Variants in UBXN7 observed in about 807,000 individuals in gnomAD.
UBXN7 encodes UBX domain-containing protein 7.
In UBXN7, 9 loss-of-function variants were observed where a neutral mutation model predicts 58.0. The observed-to-expected ratio is 0.16, with a 90% CI of 0.09 to 0.27. The LOEUF is 0.27. Ranked by LOEUF, UBXN7 falls within the 10% of genes least tolerant of loss-of-function variation. UBXN7 has a pLI of 1.00. For missense variants in UBXN7, 328 were observed against 599.6 expected, an observed-to-expected ratio of 0.55 and a Z score of 4.73; for synonymous variants, 208 against 205.0, an observed-to-expected ratio of 1.01 and a Z score of -0.12.
At chr3:196,417,876 T>G (rs929545239) in intron 1 of UBXN7, among the ~76,000 whole-genome samples, 4 of 149,864 alleles carry the variant, frequency 2.7e-5, no homozygotes, top group Non-Finnish European at 5.9e-5. Flanking sequence ...CTGTGAGCTA[T>G]GATCATACCA....
chr3:196,377,841 T>G (rs878956170), intron 5 of UBXN7, among the ~76,000 whole-genome samples: 12 of 151,908 alleles, frequency 7.9e-5, no homozygotes, highest in Non-Finnish European at 1.6e-4. Context: ...CAGCTAATTT[T>G]TTCGACTTTT....
chr3:196,355,992 C>T lies in UBXN7; in HGVS notation c.*693G>A, dbSNP rs1728334692. On this transcript the variant is annotated 3_prime_UTR_variant, in exon 11 of 11. Coordinates refer to ENST00000296328, the MANE Select transcript of UBXN7 (RefSeq NM_015562.2). ...TCTCAGGTTAGGACAATGAAAGTCA[C>T]CCCATGCTATATGCTCCATATTTAA... The T allele has an allele frequency of 6.6e-6, 1 of 152,392 alleles. No individual in the cohort carries two copies. Among genetic ancestry groups the T allele is most frequent in the African/African-American group, 2.4e-5 (1 of 41,426 alleles). 9.4% of individuals were successfully genotyped at this position (152,392 alleles called of 1,614,324 possible). A position where few individuals can be genotyped will look rare whatever the true frequency, so the allele number is the denominator to read the frequency against.
chr3:196,401,059 T>G (rs529808446), intron 3 of UBXN7, among the ~76,000 whole-genome samples: 1 of 151,500 alleles, frequency 6.6e-6, no homozygotes, highest in South Asian at 2.1e-4. Context: ...TATTTCCAAA[T>G]CTAGACAGTA....
In UBXN7 at chr3:196,350,775, A is replaced by G. The variant is rs538764290; in HGVS notation, c.*5910T>C. 24 of 152,360 alleles carry G rather than the reference A, an allele frequency of 1.6e-4. No individual in the cohort carries two copies. Among genetic ancestry groups the G allele is most frequent in the African/African-American group, 4.6e-4 (19 of 41,592 alleles). The allele number at this position is 152,360 out of a possible 1,614,324, so 9.4% of individuals were successfully genotyped here. A position where few individuals can be genotyped will look rare whatever the true frequency, so the allele number is the denominator to read the frequency against. Reference sequence around the variant, plus strand: ...GGAGAAACCGATATATTGGTATGGTATTCTCTGTTGGGTTATCTGCAGTTC... The same window carrying G: ...GGAGAAACCGATATATTGGTATGGTGTTCTCTGTTGGGTTATCTGCAGTTC... On this transcript the variant is annotated 3_prime_UTR_variant, in exon 11 of 11. Transcript: ENST00000296328.
chr3:196,380,602 C>T (rs1457299374), intron 5 of UBXN7, among the ~76,000 whole-genome samples: 1 of 152,226 alleles, frequency 6.6e-6, no homozygotes, highest in Non-Finnish European at 1.5e-5. Context: ...AACTGAGGTA[C>T]CTGGTTCATC....
At position 196,351,233 on chromosome 3, in the gene UBXN7, G is replaced by C. The variant is rs1378325480; in HGVS notation, c.*5452C>G. 1 of 152,188 alleles carries C rather than the reference G, an allele frequency of 6.6e-6. No homozygotes were observed. The highest frequency in any genetic ancestry group is 2.4e-5 in the African/African-American group (1 of 41,442). The allele number at this position is 152,188 out of a possible 1,614,324, so 9.4% of individuals were successfully genotyped here. ...TACAAATCAATTTCCCAACAGGCCA[G>C]TAAAGTACTTTAAGTACACAAGTAA... On this transcript the variant is annotated 3_prime_UTR_variant, in exon 11 of 11. Coordinates refer to ENST00000296328, the MANE Select transcript of UBXN7 (RefSeq NM_015562.2).
At chr3:196,399,045 C>T (rs971755359) in intron 3 of UBXN7, among the ~76,000 whole-genome samples, 8 of 152,328 alleles carry the variant, frequency 5.3e-5, no homozygotes, top group African/African-American at 1.9e-4. Context: ...AAAGTGTAAA[C>T]TGATAGTCTG....
At chr3:196,413,174 C>A (rs1730384846) in intron 1 of UBXN7, among the ~76,000 whole-genome samples, 1 of 151,958 alleles carries the variant, frequency 6.6e-6, no homozygotes, top group South Asian at 2.1e-4. Context: ...CCCGTCTCCA[C>A]TAAAAATACA....
At chr3:196,367,476 A>C (rs1728703372) in intron 8 of UBXN7, among the ~76,000 whole-genome samples, 1 of 152,186 alleles carries the variant, frequency 6.6e-6, no homozygotes, top group Non-Finnish European at 1.5e-5. Flanking sequence ...AAAACAAAAA[A>C]CACCACTTCC....
At chr3:196,386,350 GAGA>G (rs1729395696) in intron 5 of UBXN7, among the ~76,000 whole-genome samples, 1 of 113,642 alleles carries the variant, frequency 8.8e-6, no homozygotes, top group South Asian at 3.0e-4. Flanking sequence ...CCCCCTCTCC[GAGA>G]AACACCCAAG....
chr3:196,406,101 T>C (rs1027053543), intron 2 of UBXN7, among the ~76,000 whole-genome samples: 1 of 151,896 alleles, frequency 6.6e-6, no homozygotes, highest in South Asian at 2.1e-4. Context: ...GGCACAATCA[T>C]GGCTCACTGC....
chr3:196,389,911 T>G (rs914838394), intron 5 of UBXN7, among the ~76,000 whole-genome samples: 2 of 152,168 alleles, frequency 1.3e-5, no homozygotes, highest in Non-Finnish European at 2.9e-5. Flanking sequence ...AATATGCAGC[T>G]GATATACATC....
At chr3:196,371,334 G>GT (rs1434929340) in intron 6 of UBXN7, among the ~76,000 whole-genome samples, 1 of 152,056 alleles carries the variant, frequency 6.6e-6, no homozygotes, top group African/African-American at 2.4e-5. Context: ...CATTATTTTT[G>GT]TATTAGTTAT....
intron 5 of UBXN7, among the ~76,000 whole-genome samples, chr3:196,377,045 C>CAA (rs1159006266): frequency 2.7e-4 from 19 of 69,296 alleles, no homozygotes; most frequent in African/African-American, 8.4e-4. Flanking sequence ...GACTCTGTCT[C>CAA]AAAAAAAAAA....
chr3:196,394,733 G>T (rs147910563), intron 3 of UBXN7, among the ~76,000 whole-genome samples: 1 of 152,188 alleles, frequency 6.6e-6, no homozygotes. Context: ...GGTTAGCCCT[G>T]TTGTATAGAG....
intron 5 of UBXN7, among the ~76,000 whole-genome samples, chr3:196,387,324 C>A (rs1164567989): frequency 6.6e-6 from 1 of 152,150 alleles, no homozygotes; most frequent in African/African-American, 2.4e-5. Flanking sequence ...AGACCTAAAA[C>A]CATAAAAACC....
chr3:196,388,050 C>T (rs546548146), intron 5 of UBXN7, among the ~76,000 whole-genome samples: 1 of 152,090 alleles, frequency 6.6e-6, no homozygotes, highest in East Asian at 1.9e-4. Flanking sequence ...ACCCAAATGT[C>T]CATCAATGAT....
chr3:196,415,911 A>G (rs574658606), intron 1 of UBXN7, among the ~76,000 whole-genome samples: 12 of 152,338 alleles, frequency 7.9e-5, no homozygotes, highest in African/African-American at 2.9e-4. Flanking sequence ...ATCTGTTAAC[A>G]TCTGCGTCCC....
chr3:196,419,699 G>C (rs901566205), intron 1 of UBXN7, among the ~76,000 whole-genome samples: 1 of 152,122 alleles, frequency 6.6e-6, no homozygotes, highest in African/African-American at 2.4e-5. Flanking sequence ...CTGGGGAGTC[G>C]GGGATACTAC....
Sources: allele counts gnomAD v4.1 joint callset (sites outside exome capture counted in the v4.1 genomes callset), GRCh38; gene constraint gnomAD v4.1.1; transcripts MANE v1.5; gene names NCBI Gene and HGNC (gene_info 2026-07-23, HGNC 2026-07-21).